SLC22A23: variants seen among roughly 807,000 people sequenced by gnomAD.
The protein encoded by SLC22A23 is ion transporter protein.
In SLC22A23, 26 loss-of-function variants were observed where a neutral mutation model predicts 61.0. The ratio of observed to expected loss-of-function variants is 0.43; its 90% confidence interval spans 0.31 to 0.59. The LOEUF (loss-of-function observed/expected upper bound fraction) is 0.59. SLC22A23 is among the 20% of genes least tolerant of loss of function. The pLI is 0.11. For missense variants in SLC22A23, 796 were observed against 934.7 expected (o/e 0.85, Z 1.94); for synonymous variants, 430 against 413.9 (o/e 1.04, Z -0.47).
intron 3 of SLC22A23, among the ~76,000 whole-genome samples, chr6:3,396,333 C>T (rs938121884): frequency 1.3e-4 from 20 of 152,140 alleles, no homozygotes; most frequent in African/African-American, 3.6e-4. Context: ...GAGGCCAAGG[C>T]GGGCAGACCA....
chr6:3,305,933 C>T (rs1303508343), intron 4 of SLC22A23, among the ~76,000 whole-genome samples: 1 of 152,208 alleles, frequency 6.6e-6, no homozygotes, highest in Admixed American at 6.5e-5. Flanking sequence ...GTCCCATTAT[C>T]TTAGTCTGTC....
intron 3 of SLC22A23, among the ~76,000 whole-genome samples, chr6:3,352,328 CACAG>C (rs773485556): frequency 3.3e-5 from 5 of 151,904 alleles, no homozygotes; most frequent in Admixed American, 6.6e-5. Context: ...CACAGACATG[CACAG>C]ACACACACAC....
At chr6:3,430,782 T>TA (rs1770807356) in intron 1 of SLC22A23, among the ~76,000 whole-genome samples, 1 of 152,102 alleles carries the variant, frequency 6.6e-6, no homozygotes, top group African/African-American at 2.4e-5. Flanking sequence ...AAACACAGCA[T>TA]ATGGCCAGGC....
At chr6:3,368,817 T>C (rs1766013044) in intron 3 of SLC22A23, among the ~76,000 whole-genome samples, 1 of 152,148 alleles carries the variant, frequency 6.6e-6, no homozygotes, top group Non-Finnish European at 1.5e-5. Context: ...GGCAGCGGCG[T>C]CCTCTTTCCA....
At chr6:3,442,371 G>A (rs1490747286) in intron 1 of SLC22A23, among the ~76,000 whole-genome samples, 3 of 152,172 alleles carry the variant, frequency 2.0e-5, no homozygotes, top group African/African-American at 7.2e-5. Context: ...TGCACCTAAA[G>A]CCACAGAACT....
intron 5 of SLC22A23, chr6:3,291,797 G>C (rs896636473): frequency 1.3e-5 from 2 of 152,148 alleles, no homozygotes; most frequent in East Asian, 1.9e-4. Context: ...TTCTCACCAT[G>C]GAAGACTTCC....
At chr6:3,310,236 C>G (rs1177243026) in intron 4 of SLC22A23, among the ~76,000 whole-genome samples, 1 of 147,096 alleles carries the variant, frequency 6.8e-6, no homozygotes, top group Non-Finnish European at 1.5e-5. Context: ...CCCACTGGAG[C>G]ACCCTGTCTC....
chr6:3,343,196 A>G (rs781333678), intron 3 of SLC22A23, among the ~76,000 whole-genome samples: 4 of 152,218 alleles, frequency 2.6e-5, no homozygotes, highest in Admixed American at 6.5e-5. Flanking sequence ...CTGTCAGCTC[A>G]CAACAGTCCT....
chr6:3,434,464 C>T (rs777047620), intron 1 of SLC22A23, among the ~76,000 whole-genome samples: 10 of 151,622 alleles, frequency 6.6e-5, no homozygotes, highest in Non-Finnish European at 7.4e-5. Context: ...CAAAAATAAG[C>T]GGGGCATGGT....
In SLC22A23 at chr6:3,277,479, C is replaced by T. The variant is rs74994543; in HGVS notation, c.1704-4067G>A. ...GCATCGCCTCTAGAGCCACTATGTG[C>T]GGGCTCCAGGCCACATCCTGGGAAT... On this transcript the variant is annotated intron_variant, in intron 9 of 9. Coordinates refer to ENST00000406686, the MANE Select transcript of SLC22A23 (RefSeq NM_015482.2). 5.9e-3 allele frequency among the ~76,000 whole-genome samples: 895 copies of T among 152,266 alleles called. 29 individuals carry two copies. The East Asian group carries it at 0.086, about 15-fold the overall frequency.
chr6:3,312,226 T>C (rs1762399422), intron 4 of SLC22A23: 1 of 152,338 alleles, frequency 6.6e-6, no homozygotes, highest in East Asian at 1.9e-4. Context: ...TGGAGTCCAG[T>C]TGCAGGTTCA....
intron 2 of SLC22A23, among the ~76,000 whole-genome samples, chr6:3,411,758 C>G (rs1424753200): frequency 1.3e-5 from 2 of 152,186 alleles, no homozygotes; most frequent in Admixed American, 1.3e-4. Flanking sequence ...CCATCAGTCA[C>G]TTTGGTTTAG....
At chr6:3,289,459 G>C (rs1374915409) in intron 6 of SLC22A23, among the ~76,000 whole-genome samples, 1 of 152,246 alleles carries the variant, frequency 6.6e-6, no homozygotes, top group Non-Finnish European at 1.5e-5. Flanking sequence ...TTCCAGCCTT[G>C]TGGCATCCCC....
At position 3,286,822 on chromosome 6, in the gene SLC22A23, CCTCCCTG is replaced by C. The variant is rs761418308; in HGVS notation, c.1546+30_1546+36del. ...ATGCCCTTGGGGATCTGCCAGCTTC[CCTCCCTG>C]CACCCAGCCCACCTCCCCGACCCAC... On this transcript the variant is annotated intron_variant, in intron 7 of 9. Coordinates refer to ENST00000406686, the MANE Select transcript of SLC22A23 (RefSeq NM_015482.2). This position sits in a 1 kb window ranked among gnomAD's most constrained non-coding sequence, Gnocchi z 4.2. The C allele has an allele frequency of 2.6e-6, 4 of 1,531,844 alleles. No homozygotes were observed. The highest frequency in any genetic ancestry group is 1.9e-5 in the Admixed American group (1 of 51,512). 94.9% of individuals were successfully genotyped at this position (1,531,844 alleles called of 1,614,324 possible). A position where few individuals can be genotyped will look rare whatever the true frequency, so the allele number is the denominator to read the frequency against.
At position 3,328,092 on chromosome 6, in the gene SLC22A23, C is replaced by T. The variant is rs1348802639; in HGVS notation, c.914-4090G>A. On this transcript the variant is annotated intron_variant, in intron 3 of 9. Transcript: ENST00000406686. The surrounding 1 kb of genome is among the most constrained non-coding windows in gnomAD (Gnocchi z 5.0). ...GATCCTGTCTCTAAAAAACAACCAA[C>T]CAAACAAACAACCGTTACTTTTCCC... Among the ~76,000 whole-genome samples the T allele has an allele frequency of 1.3e-5, 2 of 151,774 alleles. No homozygotes were observed. Among genetic ancestry groups the T allele is most frequent in the African/African-American group, 4.8e-5 (2 of 41,248 alleles).
In SLC22A23 at chr6:3,322,552, A is replaced by C. The variant is rs2127397716; in HGVS notation, c.1082+1282T>G. On this transcript the variant is annotated intron_variant, in intron 4 of 9. Transcript: ENST00000406686. The surrounding 1 kb of genome is among the most constrained non-coding windows in gnomAD (Gnocchi z 4.1). ...CCCAGGAGAGGAGCTCAGTTCGGGCAGCGGTGGCTGCTGAGTGGCCTCTCT... is the reference window on the plus strand; with the variant it reads ...CCCAGGAGAGGAGCTCAGTTCGGGCCGCGGTGGCTGCTGAGTGGCCTCTCT... Among the ~76,000 whole-genome samples the C allele has an allele frequency of 6.6e-6, 1 of 152,340 alleles. No homozygotes were observed. The highest frequency in any genetic ancestry group is 2.4e-5 in the African/African-American group (1 of 41,578).
At chr6:3,403,792 T>C (rs1349920461) in intron 3 of SLC22A23, among the ~76,000 whole-genome samples, 3 of 152,184 alleles carry the variant, frequency 2.0e-5, no homozygotes, top group African/African-American at 7.2e-5. Context: ...AGCTCAATAG[T>C]TTTCCATTTG....
chr6:3,326,976 ACGGGGAC>A (rs1208578786), intron 3 of SLC22A23, among the ~76,000 whole-genome samples: 2 of 141,464 alleles, frequency 1.4e-5, no homozygotes, highest in African/African-American at 5.6e-5. Context: ...ATCAGGAGGG[ACGGGGAC>A]TGCAGGTGGA....
chr6:3,290,569 T>A (rs1214579752), intron 5 of SLC22A23: 2 of 153,448 alleles, frequency 1.3e-5, no homozygotes, highest in Non-Finnish European at 2.9e-5. Context: ...TGTGAGCAAC[T>A]ATAAAGTCAT....
Sources: allele counts gnomAD v4.1 joint callset (sites outside exome capture counted in the v4.1 genomes callset), GRCh38; gene constraint gnomAD v4.1.1; non-coding constraint Gnocchi (gnomAD v3.1); transcripts MANE v1.5; gene names NCBI Gene and HGNC (gene_info 2026-07-23, HGNC 2026-07-21).